CEP72: variants seen among roughly 807,000 people sequenced by gnomAD.
CEP72 encodes the protein centrosomal protein of 72 kDa.
CEP72 carries 78 observed loss-of-function variants against 65.7 expected under a neutral mutation model. That is an observed-to-expected ratio of 1.19 (90% CI 0.99 to 1.43). The LOEUF (loss-of-function observed/expected upper bound fraction) is 1.43, where lower values mean the gene tolerates loss of function less well. Among genes scored for constraint, CEP72 ranks in the 40% most tolerant of loss-of-function variants. CEP72 has a pLI of 0.00. For synonymous variants in CEP72, 358 were observed against 351.7 expected, an observed-to-expected ratio of 1.02 and a Z score of -0.20; for missense variants, 914 against 832.9, an observed-to-expected ratio of 1.10 and a Z score of -1.20.
At chr5:674,331 A>AG in the CEP72 span, among the ~76,000 whole-genome samples, 1 of 143,658 alleles carries the variant, frequency 7.0e-6, no homozygotes, top group Non-Finnish European at 1.5e-5. Context: ...AGGACACCTG[A>AG]GGGGGAGGAG....
At chr5:642,798 G>A (rs1738147029) in intron 9 of CEP72, 1 of 985,348 alleles carries the variant, frequency 1.0e-6, no homozygotes, top group Non-Finnish European at 1.2e-6. Context: ...CGTGCAGGCT[G>A]GTGGGCACTG....
rs553359836 is a variant in CEP72, at chr5:664,818, C to T, written n.288-362C>T. 1,112 of 416,788 alleles carry T rather than the reference C, an allele frequency of 2.7e-3. 9 individuals are homozygous for T. The highest frequency in any genetic ancestry group is 0.014 in the Middle Eastern group (22 of 1,526). The allele number at this position is 416,788 out of a possible 1,614,324, so 25.8% of individuals were successfully genotyped here. A position where few individuals can be genotyped will look rare whatever the true frequency, so the allele number is the denominator to read the frequency against. ...CCCCTTTGACCTGCAAACCACGTGC[C>T]CAGTGTGGTGTGATCCGCGAGACAC... On this transcript the variant is annotated intron_variant and non_coding_transcript_variant, in intron 2 of 4. Transcript: ENST00000514507.
At chr5:626,207 C>T (rs558559496) in intron 4 of CEP72, among the ~76,000 whole-genome samples, 2 of 152,218 alleles carry the variant, frequency 1.3e-5, no homozygotes, top group East Asian at 1.9e-4. Flanking sequence ...CCTTCCAGAT[C>T]GGTATACCTT....
intron 10 of CEP72, 77 bp from the exon 11 acceptor site, chr5:647,728 T>A: frequency 2.1e-6 from 2 of 936,504 alleles, no homozygotes; most frequent in Non-Finnish European, 3.3e-6. Flanking sequence ...AGTTTAAATG[T>A]AGAATTGTTT....
At chr5:648,768 C>A (rs1210713092) in intron 11 of CEP72, among the ~76,000 whole-genome samples, 1 of 101,418 alleles carries the variant, frequency 9.9e-6, no homozygotes, top group Non-Finnish European at 1.9e-5. Flanking sequence ...GAGGTGTGGA[C>A]TGTGAGGTGT....
downstream of CEP72, chr5:656,988 T>C (rs1037170851): frequency 6.6e-6 from 1 of 152,260 alleles, no homozygotes; most frequent in African/African-American, 2.4e-5. Flanking sequence ...TCTGCAGTGA[T>C]GGAGATGACC....
At chr5:637,341 C>T (rs537452684) in intron 6 of CEP72, among the ~76,000 whole-genome samples, 176 bp from the exon 7 acceptor site, 225 of 152,258 alleles carry the variant, frequency 1.5e-3, no homozygotes, top group Non-Finnish European at 2.8e-3. Flanking sequence ...TGCCTTTGTG[C>T]AGGTGTATGG....
intron 11 of CEP72, 52 bp downstream of exon 11, chr5:647,968 C>G (rs760029470): frequency 1.5e-5 from 20 of 1,333,396 alleles, no homozygotes; most frequent in Non-Finnish European, 2.1e-5. Flanking sequence ...GGCCCAGGTA[C>G]AGGGAGGGTT....
intron 9 of CEP72, chr5:643,331 G>T (rs1242455636): frequency 2.0e-6 from 2 of 985,480 alleles, no homozygotes; most frequent in South Asian, 9.4e-5. Context: ...AGCCCCGCGC[G>T]GAGGGCAGGT....
chr5:639,062 G>A, intron 7 of CEP72, 27 bp from the exon 8 acceptor site: 3 of 1,612,742 alleles, frequency 1.9e-6, no homozygotes, highest in Non-Finnish European at 1.7e-6. Flanking sequence ...CTGACTCGCT[G>A]GCCTCATGCT....
At chr5:665,334 C>T (rs750159947) in intron 3 of CEP72, 43 of 1,579,252 alleles carry the variant, frequency 2.7e-5, no homozygotes, top group African/African-American at 4.0e-5. Context: ...AGGTGAGTTG[C>T]GAGCCAGGTG....
At chr5:628,482 TGCCGTC>T (rs200923613) in intron 4 of CEP72, among the ~76,000 whole-genome samples, 13 of 76,314 alleles carry the variant, frequency 1.7e-4, no homozygotes, top group Admixed American at 7.3e-4. Context: ...GAACTCAGGT[TGCCGTC>T]CCTGGGGAGT....
chr5:654,375 A>C (rs1739310022), downstream of CEP72, among the ~76,000 whole-genome samples: 1 of 140,000 alleles, frequency 7.1e-6, no homozygotes, highest in African/African-American at 2.8e-5. Flanking sequence ...CTGTGTGTGC[A>C]CGCGTTGTGT....
intron 1 of CEP72, among the ~76,000 whole-genome samples, chr5:613,624 C>A (rs1466613101): frequency 6.6e-6 from 1 of 152,208 alleles, no homozygotes; most frequent in Non-Finnish European, 1.5e-5. Context: ...GCCTTGGCCT[C>A]CCAAAGTGCT....
downstream of CEP72, among the ~76,000 whole-genome samples, chr5:658,630 T>G (rs1195377755): frequency 1.3e-5 from 2 of 151,332 alleles, no homozygotes; most frequent in East Asian, 1.9e-4. Flanking sequence ...TTCTCTTGTT[T>G]TATCAGCAAA....
the CEP72 span, among the ~76,000 whole-genome samples, chr5:672,796 G>A: frequency 0.01 from 1,559 of 152,374 alleles, 14 homozygotes; most frequent in South Asian, 0.02. Context: ...GCCACCGCAC[G>A]CTCTTTGCAG....
At chr5:668,599 G>A (rs1051993101), downstream of CEP72, among the ~76,000 whole-genome samples, 15 of 152,240 alleles carry the variant, frequency 9.9e-5, no homozygotes, top group African/African-American at 3.1e-4. Flanking sequence ...TGGGGGCCTC[G>A]TCCACACCCG....
At chr5:674,441 C>G in the CEP72 span, among the ~76,000 whole-genome samples, 2 of 151,028 alleles carry the variant, frequency 1.3e-5, no homozygotes, top group East Asian at 1.9e-4. Flanking sequence ...GCGAACCCCA[C>G]CTGCTTCTGC....
At chr5:632,203 G>C (rs1355733814) in intron 4 of CEP72, among the ~76,000 whole-genome samples, 1 of 73,014 alleles carries the variant, frequency 1.4e-5, no homozygotes, top group Non-Finnish European at 2.9e-5. Context: ...AGTCCTGGTG[G>C]GGTTCTGTCC....
Sources: allele counts gnomAD v4.1 joint callset (sites outside exome capture counted in the v4.1 genomes callset), GRCh38; gene constraint gnomAD v4.1.1; transcripts MANE v1.5; gene names NCBI Gene and HGNC (gene_info 2026-07-23, HGNC 2026-07-21).